The following RFX6 variants were observed in gnomAD, a reference collection of about 807,000 sequenced individuals.
The protein encoded by RFX6 is DNA-binding protein RFX6.
RFX6 carries 50 observed loss-of-function variants against 110.8 expected under a neutral mutation model. That is an observed-to-expected ratio of 0.45 (90% CI 0.36 to 0.57). The LOEUF (loss-of-function observed/expected upper bound fraction) is 0.57. RFX6 is among the 20% of genes least tolerant of loss of function. The pLI, the probability that RFX6 is intolerant of heterozygous loss-of-function variation, is 0.00. For synonymous variants in RFX6, 383 were observed against 411.2 expected (o/e 0.93, Z 0.83); for missense variants, 990 against 1,127.0 (o/e 0.88, Z 1.74).
At chr6:116,912,053 G>A (rs959683081) in intron 7 of RFX6, among the ~76,000 whole-genome samples, 8 of 152,078 alleles carry the variant, frequency 5.3e-5, no homozygotes, top group Non-Finnish European at 7.4e-5. Flanking sequence ...TGCAGCTGGA[G>A]GCCATTAACA....
At chr6:116,931,171 A>G (rs1405256355) in intron 18 of RFX6, among the ~76,000 whole-genome samples, 160 bp from the exon 19 acceptor site, 1 of 152,204 alleles carries the variant, frequency 6.6e-6, no homozygotes, top group Non-Finnish European at 1.5e-5. Flanking sequence ...GAACAAATGG[A>G]AGAAAAAATG....
Position 116,877,829 on chromosome 6 carries a change from A to G in RFX6, c.257A>G (p.Glu86Gly), listed in dbSNP as rs778533069. The G allele has an allele frequency of 6.2e-7, 1 of 1,613,848 alleles. No homozygotes were observed. The highest frequency in any genetic ancestry group is 1.7e-5 in the Admixed American group (1 of 60,020). The change falls in exon 2 of 19, where the codon GAA becomes GGA. Residue 86 changes from glutamate to glycine, a missense_variant. Glu to Gly is a moderately conservative substitution (Grantham distance 98). Coordinates refer to ENST00000332958, the MANE Select transcript of RFX6 (RefSeq NM_173560.4). ...TTAAACAATGGTAACTTTTCCTCTG[A>G]AGAAGAGGACGCCGACAACCACGAC... ...MHLNNGNFSS[E>G]EEDADNHDSK...
At position 116,928,260 on chromosome 6, in the gene RFX6, G is replaced by A. The variant is rs537060504; in HGVS notation, c.2399-499G>A. Among the ~76,000 whole-genome samples the A allele has an allele frequency of 1.4e-4, 21 of 152,308 alleles. No individual in the cohort carries two copies. In the South Asian group the frequency reaches 3.3e-3, roughly 24 times the overall value. ...TAAAAATAGGAAGTTAAGGGAATTA[G>A]AGAGACCTGTGACCTTGAGTCACCA... On this transcript the variant is annotated intron_variant, in intron 17 of 18. Coordinates refer to ENST00000332958, the MANE Select transcript of RFX6 (RefSeq NM_173560.4).
At chr6:116,906,610 T>G (rs147305417) in intron 6 of RFX6, among the ~76,000 whole-genome samples, 3,716 of 152,256 alleles carry the variant, frequency 0.024, 124 homozygotes, top group Admixed American at 0.091. Flanking sequence ...TATTTTATTC[T>G]TTTTGATGCT....
At chr6:116,906,131 C>T (rs1399715061) in intron 6 of RFX6, among the ~76,000 whole-genome samples, 1 of 152,134 alleles carries the variant, frequency 6.6e-6, no homozygotes, top group Non-Finnish European at 1.5e-5. Flanking sequence ...TAGAATTGTC[C>T]TTTCCCCATA....
intron 18 of RFX6, among the ~76,000 whole-genome samples, chr6:116,930,847 C>G (rs1775868068): frequency 1.3e-5 from 2 of 152,160 alleles, no homozygotes; most frequent in Admixed American, 6.6e-5. Context: ...ATGCTTGGTT[C>G]ATGTTCCAAG....
Position 116,927,194 on chromosome 6 carries a change from A to G in RFX6, c.2053A>G (p.Ile685Val), listed in dbSNP as rs369719975. ...ACACTGCTCCACATACCCAGAGCCC[A>G]TTTATCCCACTCTCCCTCAAGCCAA... ...PSHCSTYPEPIYPTLPQANHD... is the reference protein window; with the variant it reads ...PSHCSTYPEPVYPTLPQANHD... The change falls in exon 17 of 19, where the codon ATT becomes GTT. Residue 685 changes from isoleucine (I) to valine (V), a missense_variant. Coordinates refer to ENST00000332958, the MANE Select transcript of RFX6 (RefSeq NM_173560.4). 2.2e-5 allele frequency: 35 copies of G among 1,614,170 alleles called. No individual in the cohort carries two copies. In the African/African-American group the frequency reaches 3.7e-4, roughly 17 times the overall value.
At chr6:116,885,841 T>C (rs1036426864) in intron 4 of RFX6, among the ~76,000 whole-genome samples, 1 of 152,156 alleles carries the variant, frequency 6.6e-6, no homozygotes, top group Non-Finnish European at 1.5e-5. Context: ...GGTATTTGTG[T>C]TTTATATTAA....
intron 6 of RFX6, among the ~76,000 whole-genome samples, chr6:116,907,647 A>G (rs1775236075): frequency 6.6e-6 from 1 of 152,106 alleles, no homozygotes; most frequent in Non-Finnish European, 1.5e-5. Flanking sequence ...GGCCTAACAT[A>G]TGGTCTATCC....
At chr6:116,906,967 C>G (rs1361047262) in intron 6 of RFX6, among the ~76,000 whole-genome samples, 1 of 151,104 alleles carries the variant, frequency 6.6e-6, no homozygotes, top group Non-Finnish European at 1.5e-5. Flanking sequence ...GAAAAGCTTT[C>G]AGTCTTTCAC....
chr6:116,880,712 G>A (rs1037452168), intron 3 of RFX6, 45 bp downstream of exon 3: 2 of 1,601,562 alleles, frequency 1.2e-6, no homozygotes, highest in Non-Finnish European at 1.7e-6. Context: ...CTAAAGTCAT[G>A]TCAGGCAGAT....
In RFX6 at chr6:116,920,406, CT is replaced by C; in HGVS notation, c.1281del (p.Thr428ProfsTer25). Reference protein sequence around the residue: ...DLNSIGSQALLTISGSTDTES... With the variant: ...DLNSIGSQALXTISGSTDTES... ...GAACAGCATTGGCTCTCAAGCCCTT[CT>C]TACCATTTCAGGCAGCACAGACACT... On this transcript the variant is annotated frameshift_variant, in exon 12 of 19. Transcript: ENST00000332958. LOFTEE classifies it high-confidence loss of function. The C allele has an allele frequency of 6.2e-7, 1 of 1,613,220 alleles. No individual in the cohort carries two copies. Among genetic ancestry groups the C allele is most frequent in the Non-Finnish European group, 8.5e-7 (1 of 1,179,194 alleles).
At chr6:116,878,787 C>A (rs1774524074) in intron 2 of RFX6, among the ~76,000 whole-genome samples, 1 of 151,378 alleles carries the variant, frequency 6.6e-6, no homozygotes, top group African/African-American at 2.4e-5. Context: ...ATCTAAGGAG[C>A]CTTAGAAAAA....
intron 4 of RFX6, among the ~76,000 whole-genome samples, chr6:116,887,017 C>G (rs1339844069): frequency 6.6e-6 from 1 of 152,064 alleles, no homozygotes; most frequent in South Asian, 2.1e-4. Context: ...GAGCTGAGAT[C>G]GCACCACTGC....
chr6:116,927,743 C>CTTTTTTTTTTTTT lies in RFX6; in HGVS notation c.2398+211_2398+223dup, dbSNP rs60638457. On this transcript the variant is annotated intron_variant, in intron 17 of 18. Transcript: ENST00000332958. ...GGCTTTCCTAAAGTTGCCCTTCTTCCTTTTTTTTTTTTTTTTTTTGAGACA... is the reference window on the plus strand; with the variant it reads ...GGCTTTCCTAAAGTTGCCCTTCTTCCTTTTTTTTTTTTTTTTTTTTTTTTTTTTTTTTGAGACA... Among the ~76,000 whole-genome samples, 464 of 119,432 alleles carry CTTTTTTTTTTTTT rather than the reference C, an allele frequency of 3.9e-3. 2 individuals carry two copies. Among genetic ancestry groups the CTTTTTTTTTTTTT allele is most frequent in the Admixed American group, 0.01 (112 of 10,822 alleles). 78.4% of individuals were successfully genotyped at this position (119,432 alleles called of 152,430 possible). A position where few individuals can be genotyped will look rare whatever the true frequency, so the allele number is the denominator to read the frequency against.
intron 6 of RFX6, among the ~76,000 whole-genome samples, chr6:116,903,435 C>G (rs1260771507): frequency 6.6e-6 from 1 of 151,922 alleles, no homozygotes; most frequent in Non-Finnish European, 1.5e-5. Flanking sequence ...GTGTTATTCA[C>G]AGCACCCACC....
rs528808841 is a variant in RFX6 at position 116,923,427 on chromosome 6, T to C, written c.1555+203T>C. 2.6e-5 allele frequency: 15 copies of C among 571,680 alleles called. No homozygotes were observed. The South Asian group carries it at 3.0e-4, about 11-fold the overall frequency. 35.4% of individuals were successfully genotyped at this position (571,680 alleles called of 1,614,324 possible). On this transcript the variant is annotated intron_variant, in intron 14 of 18. Coordinates refer to ENST00000332958, the MANE Select transcript of RFX6 (RefSeq NM_173560.4). ...ATTAAATCCTAACAATGATTGTCTCTGGCTATGGGCCAATCTGCTCATTGA... is the reference window on the plus strand; with the variant it reads ...ATTAAATCCTAACAATGATTGTCTCCGGCTATGGGCCAATCTGCTCATTGA...
At chr6:116,897,913 T>C (rs1385877533) in intron 6 of RFX6, among the ~76,000 whole-genome samples, 1 of 152,122 alleles carries the variant, frequency 6.6e-6, no homozygotes, top group Non-Finnish European at 1.5e-5. Flanking sequence ...CTTCAAGATT[T>C]AGTTTGATGG....
rs1180453077 is a variant in RFX6, at chr6:116,927,512, G to A, written c.2371G>A (p.Ala791Thr). ...SNTGAASCQG[A>T]TLPPNSPNGY... ...CACAGGAGCTGCCAGCTGCCAAGGA[G>A]CAACACTGCCTCCTAATTCACCAAA... The change falls in exon 17 of 19, where the codon GCA becomes ACA. Residue 791 changes from alanine (A) to threonine (T), a missense_variant. Transcript: ENST00000332958. 1.2e-6 allele frequency: 2 copies of A among 1,613,686 alleles called. No individual in the cohort carries two copies. Among genetic ancestry groups the A allele is most frequent in the Non-Finnish European group, 1.7e-6 (2 of 1,180,016 alleles).
Sources: allele counts gnomAD v4.1 joint callset (sites outside exome capture counted in the v4.1 genomes callset), GRCh38; gene constraint gnomAD v4.1.1; transcripts MANE v1.5; gene names NCBI Gene and HGNC (gene_info 2026-07-23, HGNC 2026-07-21).